Variants in EXOC6 observed in about 807,000 individuals in gnomAD.
EXOC6 encodes the protein exocyst complex component 6.
A neutral mutation model predicts 112.5 loss-of-function variants in EXOC6; 60 were observed. That is an observed-to-expected ratio of 0.53 (90% CI 0.43 to 0.66). EXOC6 has a LOEUF of 0.66. Ranked by LOEUF, EXOC6 falls within the 30% of genes least tolerant of loss-of-function variation. EXOC6 has a pLI of 0.00. For missense variants in EXOC6, 855 were observed against 957.1 expected (o/e 0.89, Z 1.41); for synonymous variants, 295 against 308.0 (o/e 0.96, Z 0.44).
intron 13 of EXOC6, among the ~76,000 whole-genome samples, chr10:92,942,832 C>A (rs538278800): frequency 2.6e-5 from 4 of 152,076 alleles, no homozygotes; most frequent in Non-Finnish European, 5.9e-5. Flanking sequence ...TTCCTCAAGA[C>A]TGGGGAAACC....
chr10:92,938,351 C>T (rs997056876), intron 12 of EXOC6, among the ~76,000 whole-genome samples: 1 of 152,070 alleles, frequency 6.6e-6, no homozygotes, highest in Non-Finnish European at 1.5e-5. Context: ...AGCTGACAGA[C>T]TGAGTATTAG....
chr10:93,052,167 A>G (rs1564942066), intron 20 of EXOC6, among the ~76,000 whole-genome samples: 1 of 152,246 alleles, frequency 6.6e-6, no homozygotes, highest in Non-Finnish European at 1.5e-5. Flanking sequence ...ATGACCTGGC[A>G]CTGTGGGTTC....
At chr10:92,914,797 C>G (rs1850991249) in intron 6 of EXOC6, among the ~76,000 whole-genome samples, 1 of 152,178 alleles carries the variant, frequency 6.6e-6, no homozygotes, top group Non-Finnish European at 1.5e-5. Flanking sequence ...ATAGCCAGTG[C>G]ACGACCTTTC....
At chr10:92,947,222 A>G (rs1483782818) in intron 13 of EXOC6, among the ~76,000 whole-genome samples, 2 of 152,214 alleles carry the variant, frequency 1.3e-5, no homozygotes, top group Non-Finnish European at 2.9e-5. Context: ...GAAACCCACG[A>G]TAGGTTTCCT....
chr10:92,839,217 T>G (rs970657520), intron 1 of EXOC6, among the ~76,000 whole-genome samples: 3 of 152,202 alleles, frequency 2.0e-5, no homozygotes, highest in Non-Finnish European at 4.4e-5. Context: ...TAATTTCCAC[T>G]GGATGTTCTC....
chr10:93,017,909 C>G (rs1202413200), intron 20 of EXOC6, among the ~76,000 whole-genome samples: 1 of 150,870 alleles, frequency 6.6e-6, no homozygotes, highest in Non-Finnish European at 1.5e-5. Flanking sequence ...ACTCAGGAGT[C>G]TGAGGCAGGG....
At position 92,909,573 on chromosome 10, in the gene EXOC6, A is replaced by G; in HGVS notation, c.605A>G (p.Asp202Gly). 6.2e-7 allele frequency: 1 copy of G among 1,613,170 alleles called. No individual in the cohort carries two copies. Among genetic ancestry groups the G allele is most frequent in the African/African-American group, 1.3e-5 (1 of 75,034 alleles). ...IKEISMSDLK[D>G]FLESIRKHSD... ...GAAATCTCCATGTCTGATCTCAAAGACTTTTTGGAAAGTATTCGAAAACAT... is the reference window on the plus strand; with the variant it reads ...GAAATCTCCATGTCTGATCTCAAAGGCTTTTTGGAAAGTATTCGAAAACAT... The change falls in exon 6 of 22, where the codon GAC (aspartate) becomes GGC (glycine). Residue 202 changes from aspartate to glycine, a missense_variant. Physicochemically the swap from Asp to Gly is moderately conservative, Grantham distance 94 (BLOSUM62 -1). This residue lies in a region of EXOC6 where 405 missense variants were observed against 393.6 expected (regional missense o/e 1.03). Transcript: ENST00000260762.
At chr10:92,985,596 A>C (rs1323116285) in intron 18 of EXOC6, among the ~76,000 whole-genome samples, 2 of 152,134 alleles carry the variant, frequency 1.3e-5, no homozygotes, top group Non-Finnish European at 2.9e-5. Context: ...AGAAGATTAG[A>C]TCATCTCTAA....
At chr10:93,030,240 G>C (rs1468844575) in intron 20 of EXOC6, among the ~76,000 whole-genome samples, 3 of 151,390 alleles carry the variant, frequency 2.0e-5, no homozygotes, top group African/African-American at 7.3e-5. Flanking sequence ...ACGGGGTTTT[G>C]CCATGTTGCC....
intron 19 of EXOC6, among the ~76,000 whole-genome samples, chr10:93,010,525 C>T (rs1271567699): frequency 6.6e-6 from 1 of 151,806 alleles, no homozygotes; most frequent in African/African-American, 2.4e-5. Context: ...ATGGTGAAAC[C>T]CTCTCTCTAC....
At position 92,894,800 on chromosome 10, in the gene EXOC6, G is replaced by A; in HGVS notation, c.280G>A (p.Val94Ile). The A allele has an allele frequency of 6.2e-7, 1 of 1,613,398 alleles. No homozygotes were observed. Among genetic ancestry groups the A allele is most frequent in the Non-Finnish European group, 8.5e-7 (1 of 1,179,628 alleles). Residue 94 changes from valine to isoleucine, a missense_variant, in exon 3 of 22, where the codon GTT becomes ATT. Physicochemically the swap from Val to Ile is conservative, Grantham distance 29. Coordinates refer to ENST00000260762, the MANE Select transcript of EXOC6 (RefSeq NM_019053.6). ...RTDAEKLKVQ[V>I]TDTNRRFQDA... The stretch of plus-strand genomic sequence containing the variant: ...GTGAAATTAAATTTTTAAGGTGCAA[G>A]TTACTGATACCAACCGAAGGTTTCA...
At chr10:92,887,651 C>T (rs558104767) in intron 1 of EXOC6, among the ~76,000 whole-genome samples, 6 of 151,922 alleles carry the variant, frequency 3.9e-5, no homozygotes, top group East Asian at 1.9e-4. Flanking sequence ...GTGATCTGCC[C>T]GCCTCAGCCT....
At chr10:92,980,293 C>G (rs1842781501) in intron 18 of EXOC6, among the ~76,000 whole-genome samples, 1 of 152,140 alleles carries the variant, frequency 6.6e-6, no homozygotes, top group Non-Finnish European at 1.5e-5. Context: ...CTCTTCCCTT[C>G]TGCAAAATGA....
At chr10:92,896,171 ATATATATATATTTTTTTTTTTTT>A (rs1849792828) in intron 4 of EXOC6, among the ~76,000 whole-genome samples, 43 of 25,222 alleles carry the variant, frequency 1.7e-3, no homozygotes, top group Admixed American at 7.1e-3. Flanking sequence ...ATATATATAT[ATATATATATATTTTTTTTTTTTT>A]TTTTTTTTTT....
chr10:92,966,738 G>A (rs1270079532), intron 17 of EXOC6, among the ~76,000 whole-genome samples: 6 of 147,128 alleles, frequency 4.1e-5, no homozygotes, highest in Non-Finnish European at 9.0e-5. Context: ...GAATAGTGCC[G>A]CAGTAAACAT....
chr10:92,943,575 C>T (rs1462861689), intron 13 of EXOC6, among the ~76,000 whole-genome samples: 2 of 151,968 alleles, frequency 1.3e-5, no homozygotes, highest in Admixed American at 6.6e-5. Context: ...TTTTTGGATA[C>T]ATGTGCTTTT....
intron 17 of EXOC6, among the ~76,000 whole-genome samples, chr10:92,967,350 T>G (rs1336970816): frequency 6.6e-6 from 1 of 152,106 alleles, no homozygotes; most frequent in Non-Finnish European, 1.5e-5. Context: ...AAAATAGTGT[T>G]TTTTCCCTCG....
At chr10:92,911,938 CGTGTG>C (rs1850800334) in intron 6 of EXOC6, among the ~76,000 whole-genome samples, 1 of 136,130 alleles carries the variant, frequency 7.3e-6, no homozygotes, top group African/African-American at 2.8e-5. Flanking sequence ...TCTCTGTGTG[CGTGTG>C]TGTGTGTGTG....
chr10:93,022,085 G>A (rs781323952), intron 20 of EXOC6, among the ~76,000 whole-genome samples: 1 of 152,090 alleles, frequency 6.6e-6, no homozygotes, highest in Non-Finnish European at 1.5e-5. Flanking sequence ...AGCATAGAAG[G>A]CCTCTTTACA....
Sources: gnomAD v4.1 joint callset for allele counts (sites outside exome capture counted in the v4.1 genomes callset) on GRCh38, gnomAD v4.1.1 for gene constraint, gnomAD v4.1.1 regional missense constraint, MANE v1.5 for transcripts, NCBI Gene and HGNC (gene_info 2026-07-23, HGNC 2026-07-21) for gene names.